DNAI3: variants seen among roughly 807,000 people sequenced by gnomAD.
The protein encoded by DNAI3 is dynein axonemal intermediate chain 3.
In DNAI3, 83 loss-of-function variants were observed where a neutral mutation model predicts 115.5. The ratio of observed to expected loss-of-function variants is 0.72; its 90% CI spans 0.60 to 0.86. The LOEUF (loss-of-function observed/expected upper bound fraction) is 0.86. Ranked by LOEUF, DNAI3 falls within the 40% of genes least tolerant of loss-of-function variation. The pLI is 0.00. For missense variants in DNAI3, 1,004 were observed against 1,075.8 expected (o/e 0.93, Z 0.93); for synonymous variants, 320 against 347.0 (o/e 0.92, Z 0.86).
intron 19 of DNAI3, 146 bp from the exon 20 acceptor site, chr1:85,126,365 A>C: frequency 1.2e-6 from 1 of 808,984 alleles, no homozygotes; most frequent in Non-Finnish European, 1.9e-6. Context: ...ACCCTACAAC[A>C]AAGAGAAGTA....
At chr1:85,094,168 T>A (rs897365303) in intron 9 of DNAI3, 2 of 485,196 alleles carry the variant, frequency 4.1e-6, no homozygotes, top group Non-Finnish European at 7.4e-6. Flanking sequence ...AAAACAAGAT[T>A]TTCTTTTCTT....
chr1:85,113,127 T>G (rs1431543473), intron 16 of DNAI3, among the ~76,000 whole-genome samples: 2 of 152,240 alleles, frequency 1.3e-5, no homozygotes, highest in Non-Finnish European at 2.9e-5. Flanking sequence ...ATACTAGTTC[T>G]TTCTCAGGAC....
In DNAI3 at chr1:85,085,978, G is replaced by A; in HGVS notation, c.688G>A (p.Val230Ile). The change falls in exon 7 of 23, where the codon GTT (valine) becomes ATT (isoleucine). Residue 230 changes from valine (V) to isoleucine (I), a missense_variant. By Grantham distance (29) the Val-to-Ile change is conservative. Around this residue, in one of 3 missense-constraint regions of DNAI3, gnomAD observed 550 missense variants for 568.1 expected, o/e 0.97. Transcript: ENST00000294664. ...NFTLKQLEKDVGMQVIPQIKD... is the reference protein window; with the variant it reads ...NFTLKQLEKDIGMQVIPQIKD... Reference sequence around the variant, plus strand: ...TACCCTTAAACAACTTGAAAAAGATGTTGGCATGCAAGTAATCCCCCAAAT... The same window carrying A: ...TACCCTTAAACAACTTGAAAAAGATATTGGCATGCAAGTAATCCCCCAAAT... 6.2e-7 allele frequency: 1 copy of A among 1,614,116 alleles called. No homozygotes were observed. Among genetic ancestry groups the A allele is most frequent in the East Asian group, 2.2e-5 (1 of 44,868 alleles).
chr1:85,086,091 C>G, intron 7 of DNAI3, 61 bp downstream of exon 7: 1 of 1,489,202 alleles, frequency 6.7e-7, no homozygotes, highest in East Asian at 2.3e-5. Flanking sequence ...TAGTAACTTC[C>G]ATTATTATTT....
intron 13 of DNAI3, among the ~76,000 whole-genome samples, chr1:85,099,733 T>C (rs1655234869): frequency 6.6e-6 from 1 of 152,182 alleles, no homozygotes; most frequent in African/African-American, 2.4e-5. Context: ...ACTACAAGGC[T>C]ATAGTAACCA....
intron 3 of DNAI3, among the ~76,000 whole-genome samples, chr1:85,080,046 C>CTTTTTTTTTTTTTTTTTT (rs35938324): frequency 2.8e-4 from 19 of 68,382 alleles, no homozygotes; most frequent in East Asian, 7.2e-4. Context: ...TTTTCTTTTT[C>CTTTTTTTTTTTTTTTTTT]TTTTTTTTTT....
chr1:85,098,207 A>C (rs1655184719), intron 12 of DNAI3, among the ~76,000 whole-genome samples: 1 of 152,192 alleles, frequency 6.6e-6, no homozygotes, highest in African/African-American at 2.4e-5. Context: ...TAACATCAAC[A>C]AGTCTCTTAC....
intron 20 of DNAI3, among the ~76,000 whole-genome samples, chr1:85,127,691 C>G (rs1370217987): frequency 3.3e-5 from 5 of 152,158 alleles, no homozygotes; most frequent in Non-Finnish European, 5.9e-5. Context: ...TATGTGCCAC[C>G]CAAGTATCTT....
Position 85,098,587 on chromosome 1 carries a change from G to A in DNAI3, c.1408G>A (p.Ala470Thr). ...NKEAMYIRHC[A>T]VSSIENGHKK... ...AGAAGCAATGTATATCAGACACTGT[G>A]CAGTCTCTTCAATAGAAAATGGACA... Residue 470 changes from alanine to threonine, a missense_variant, in exon 13 of 23, where the codon GCA becomes ACA. Ala to Thr is a moderately conservative substitution (Grantham distance 58). Transcript: ENST00000294664. 1 of 1,613,364 alleles carries A rather than the reference G, an allele frequency of 6.2e-7. No homozygotes were observed. The highest frequency in any genetic ancestry group is 8.5e-7 in the Non-Finnish European group (1 of 1,179,530).
intron 3 of DNAI3, among the ~76,000 whole-genome samples, chr1:85,080,919 TA>T (rs1654616538): frequency 6.6e-6 from 1 of 152,186 alleles, no homozygotes; most frequent in African/African-American, 2.4e-5. Context: ...GACATAATGG[TA>T]AATATTAAAA....
At chr1:85,076,026 A>C (rs1654440187) in intron 3 of DNAI3, among the ~76,000 whole-genome samples, 1 of 152,240 alleles carries the variant, frequency 6.6e-6, no homozygotes, top group African/African-American at 2.4e-5. Context: ...AGGTGTCAGC[A>C]GGGCTGATTA....
chr1:85,084,459 A>G (rs1654735373), intron 5 of DNAI3, 87 bp from the exon 6 acceptor site: 2 of 1,007,104 alleles, frequency 2.0e-6, no homozygotes, highest in Non-Finnish European at 2.5e-6. Context: ...ATATAAAAGT[A>G]AAGTTTGTTG....
intron 13 of DNAI3, among the ~76,000 whole-genome samples, chr1:85,103,453 T>G (rs1202812093): frequency 6.6e-6 from 1 of 152,178 alleles, no homozygotes; most frequent in African/African-American, 2.4e-5. Flanking sequence ...CTCTTTCCCA[T>G]TGATCTTACC....
chr1:85,103,214 T>C (rs541929379), intron 13 of DNAI3, among the ~76,000 whole-genome samples: 1 of 152,316 alleles, frequency 6.6e-6, no homozygotes, highest in East Asian at 1.9e-4. Context: ...AGGAAAGTCA[T>C]GCGTTTCCCT....
At position 85,108,119 on chromosome 1, in the gene DNAI3, C is replaced by T. The variant is rs749620276; in HGVS notation, c.1640C>T (p.Pro547Leu). The T allele has an allele frequency of 1.2e-6, 2 of 1,609,932 alleles. No individual in the cohort carries two copies. Among genetic ancestry groups the T allele is most frequent in the Non-Finnish European group, 1.7e-6 (2 of 1,178,300 alleles). Residue 547 changes from proline to leucine, a missense_variant, in exon 15 of 23, where the codon CCT becomes CTT. Pro to Leu is a moderately conservative substitution (Grantham distance 98, BLOSUM62 -3). This residue lies in a region of DNAI3 where 429 missense variants were observed against 454.3 expected (regional missense o/e 0.94). Transcript: ENST00000294664. ...AAGAAGGAGGAAAGTATTGAAATTC[C>T]TTTTGATGTACCATCTACTTTTTTG... ...EKKKEESIEI[P>L]FDVPSTFLHL...
chr1:85,127,026 G>T (rs767222169), intron 20 of DNAI3, among the ~76,000 whole-genome samples: 2 of 152,146 alleles, frequency 1.3e-5, no homozygotes, highest in Non-Finnish European at 2.9e-5. Context: ...TGAACTGCAC[G>T]ATGGGAACAT....
chr1:85,103,140 T>G (rs1405716648), intron 13 of DNAI3, among the ~76,000 whole-genome samples: 1 of 152,194 alleles, frequency 6.6e-6, no homozygotes, highest in Non-Finnish European at 1.5e-5. Flanking sequence ...CTTCATTTGC[T>G]GCTAGAAGCC....
intron 3 of DNAI3, among the ~76,000 whole-genome samples, chr1:85,076,818 A>T (rs1341726779): frequency 2.0e-5 from 3 of 152,186 alleles, no homozygotes; most frequent in African/African-American, 7.2e-5. Flanking sequence ...TGAACATATT[A>T]GGGGGACATT....
At chr1:85,117,281 A>G (rs1655851575) in intron 16 of DNAI3, among the ~76,000 whole-genome samples, 1 of 152,194 alleles carries the variant, frequency 6.6e-6, no homozygotes, top group East Asian at 1.9e-4. Context: ...AAGTCACAAT[A>G]TTTTAATATT....
Sources: gnomAD v4.1 joint callset for allele counts (sites outside exome capture counted in the v4.1 genomes callset) on GRCh38, gnomAD v4.1.1 for gene constraint, gnomAD v4.1.1 regional missense constraint, MANE v1.5 for transcripts, NCBI Gene and HGNC (gene_info 2026-07-23, HGNC 2026-07-21) for gene names.